The following RAB3GAP1 variants were observed in gnomAD, a reference collection of about 807,000 sequenced individuals.
The protein encoded by RAB3GAP1 is RAB3 GTPase activating protein catalytic subunit 1, also known as rab3 GTPase-activating protein catalytic subunit.
A neutral mutation model predicts 130.7 loss-of-function variants in RAB3GAP1; 86 were observed. The ratio of observed to expected loss-of-function variants is 0.66; its 90% CI spans 0.55 to 0.79. The LOEUF (loss-of-function observed/expected upper bound fraction) is 0.79. RAB3GAP1 is among the 30% of genes least tolerant of loss of function. The pLI is 0.00. For missense variants in RAB3GAP1, 1,029 were observed against 1,169.4 expected, an observed-to-expected ratio of 0.88 and a Z score of 1.75; for synonymous variants, 367 against 401.7, an observed-to-expected ratio of 0.91 and a Z score of 1.03.
At chr2:135,085,303 A>T (rs1431492605) in intron 3 of RAB3GAP1, among the ~76,000 whole-genome samples, 1 of 152,234 alleles carries the variant, frequency 6.6e-6, no homozygotes, top group Non-Finnish European at 1.5e-5. Flanking sequence ...ACATAATTGG[A>T]AATAAAAATA....
chr2:135,052,552 C>A, intron 2 of RAB3GAP1, 67 bp downstream of exon 2: 4 of 1,566,932 alleles, frequency 2.6e-6, no homozygotes, highest in South Asian at 2.2e-5. Context: ...GCTTCCCTGA[C>A]CCCAGACACA....
chr2:135,100,629 A>T (rs6719183), intron 5 of RAB3GAP1, among the ~76,000 whole-genome samples: 4,113 of 152,306 alleles, frequency 0.027, 163 homozygotes, highest in African/African-American at 0.092. Context: ...GGAAGCCAAC[A>T]ACAAAGCTTT....
At chr2:135,097,507 C>T (rs987426370) in intron 5 of RAB3GAP1, among the ~76,000 whole-genome samples, 3 of 152,192 alleles carry the variant, frequency 2.0e-5, no homozygotes, top group African/African-American at 7.2e-5. Context: ...AGGTGTGAGC[C>T]ACTGTACCTG....
chr2:135,083,126 A>T (rs1433802462), intron 3 of RAB3GAP1, among the ~76,000 whole-genome samples: 1 of 151,980 alleles, frequency 6.6e-6, no homozygotes, highest in Non-Finnish European at 1.5e-5. Context: ...GTTGAATCTA[A>T]GGATGTGGAA....
chr2:135,169,462 T>C lies in RAB3GAP1; in HGVS notation c.*681T>C, dbSNP rs909931019. The C allele has an allele frequency of 4.3e-5, 8 of 187,294 alleles. No homozygotes were observed. Among genetic ancestry groups the C allele is most frequent in the Non-Finnish European group, 9.0e-5 (8 of 89,318 alleles). The allele number at this position is 187,294 out of a possible 1,614,324, so 11.6% of individuals were successfully genotyped here. On this transcript the variant is annotated 3_prime_UTR_variant, in exon 24 of 24. Transcript: ENST00000264158. ...TCACTGCAAATTAGTTTTATATCTG[T>C]CATGTGAGATTTGTCTTACTTATTT...
chr2:135,071,665 G>C (rs1689475480), intron 3 of RAB3GAP1, among the ~76,000 whole-genome samples: 1 of 152,206 alleles, frequency 6.6e-6, no homozygotes, highest in African/African-American at 2.4e-5. Context: ...TGCAGGATGA[G>C]GTTATGTTCC....
intron 3 of RAB3GAP1, 108 bp downstream of exon 3, chr2:135,058,194 C>A: frequency 1.1e-6 from 1 of 920,252 alleles, no homozygotes; most frequent in Non-Finnish European, 1.7e-6. Flanking sequence ...TTTAAAGTTA[C>A]GTATAATCTA....
At chr2:135,055,095 C>G (rs1339570406) in intron 2 of RAB3GAP1, among the ~76,000 whole-genome samples, 2 of 152,204 alleles carry the variant, frequency 1.3e-5, no homozygotes, top group East Asian at 3.9e-4. Context: ...ACGGTTTCTG[C>G]TTTTACTAAA....
chr2:135,135,193 T>C (rs866617406), intron 15 of RAB3GAP1, 72 bp from the exon 16 acceptor site: 4 of 1,183,492 alleles, frequency 3.4e-6, no homozygotes, highest in African/African-American at 3.0e-5. Flanking sequence ...ATTATGGTAG[T>C]ATAGAAAATA....
chr2:135,162,382 G>A (rs1473142698), intron 19 of RAB3GAP1, 173 bp from the exon 20 acceptor site: 14 of 666,858 alleles, frequency 2.1e-5, no homozygotes, highest in Non-Finnish European at 3.8e-5. Flanking sequence ...AAAGATTGAA[G>A]TTCTTAGGTG....
chr2:135,083,431 T>C (rs1254870666), intron 3 of RAB3GAP1, among the ~76,000 whole-genome samples: 1 of 152,116 alleles, frequency 6.6e-6, no homozygotes, highest in Non-Finnish European at 1.5e-5. Context: ...CTACCAGCCA[T>C]GTATAAGACT....
chr2:135,107,302 C>A (rs895899329), intron 5 of RAB3GAP1, among the ~76,000 whole-genome samples: 5 of 151,850 alleles, frequency 3.3e-5, no homozygotes, highest in African/African-American at 1.2e-4. Context: ...CTAGTAAATA[C>A]AATAAATATA....
downstream of RAB3GAP1, among the ~76,000 whole-genome samples, chr2:135,172,938 A>G (rs1692898228): frequency 6.6e-6 from 1 of 152,106 alleles, no homozygotes; most frequent in Admixed American, 6.5e-5. Context: ...AGCCATTGCA[A>G]CTTCTATTTT....
chr2:135,113,762 C>T (rs1399337754), intron 6 of RAB3GAP1, among the ~76,000 whole-genome samples: 5 of 150,622 alleles, frequency 3.3e-5, no homozygotes, highest in African/African-American at 4.9e-5. Context: ...TTTTTCGAGA[C>T]GTAGTCTTGC....
chr2:135,117,450 T>TCTTCTG (rs1189047743), intron 7 of RAB3GAP1, among the ~76,000 whole-genome samples: 12 of 88,226 alleles, frequency 1.4e-4, no homozygotes, highest in Non-Finnish European at 1.9e-4. Context: ...TTCTTCTTCT[T>TCTTCTG]CTTCTGCTTC....
intron 17 of RAB3GAP1, among the ~76,000 whole-genome samples, chr2:135,139,610 T>C (rs1263477591): frequency 1.3e-5 from 2 of 151,876 alleles, no homozygotes; most frequent in Non-Finnish European, 2.9e-5. Context: ...TTTTTTCATA[T>C]TGATACATGC....
chr2:135,107,105 A>C (rs1278636818), intron 5 of RAB3GAP1, among the ~76,000 whole-genome samples: 1 of 152,076 alleles, frequency 6.6e-6, no homozygotes, highest in Non-Finnish European at 1.5e-5. Context: ...GGAGAAAAAA[A>C]AAAAAAAACC....
intron 17 of RAB3GAP1, among the ~76,000 whole-genome samples, chr2:135,147,098 C>G (rs10179432): frequency 6.6e-6 from 1 of 152,046 alleles, no homozygotes; most frequent in Admixed American, 6.6e-5. Flanking sequence ...GTAATCCTAG[C>G]ACTCTGAGAG....
intron 7 of RAB3GAP1, among the ~76,000 whole-genome samples, chr2:135,119,256 G>A (rs565985884): frequency 2.0e-5 from 3 of 152,066 alleles, no homozygotes; most frequent in South Asian, 4.2e-4. Flanking sequence ...CTACAGGCGC[G>A]CACCACTACT....
Sources: gnomAD v4.1 joint callset for allele counts (sites outside exome capture counted in the v4.1 genomes callset) on GRCh38, gnomAD v4.1.1 for gene constraint, MANE v1.5 for transcripts, NCBI Gene and HGNC (gene_info 2026-07-23, HGNC 2026-07-21) for gene names.